The following ADCY5 variants were observed in gnomAD, a reference collection of about 807,000 sequenced individuals.
The protein encoded by ADCY5 is adenylate cyclase 5.
A neutral mutation model predicts 119.7 loss-of-function variants in ADCY5; 30 were observed. The ratio of observed to expected loss-of-function variants is 0.25; its 90% CI spans 0.19 to 0.34. ADCY5 has a LOEUF of 0.34. ADCY5 is among the 10% of genes least tolerant of loss of function. ADCY5 has a pLI of 1.00. For missense variants in ADCY5, 1,324 were observed against 1,775.2 expected, an observed-to-expected ratio of 0.75 and a Z score of 4.57; for synonymous variants, 753 against 762.2, an observed-to-expected ratio of 0.99 and a Z score of 0.20.
intron 3 of ADCY5, among the ~76,000 whole-genome samples, chr3:123,335,548 G>A (rs1029878509): frequency 2.6e-5 from 4 of 152,168 alleles, no homozygotes; most frequent in Non-Finnish European, 4.4e-5. Flanking sequence ...GATGCTGTCT[G>A]TAGGCCCCAC....
chr3:123,346,607 TTCTCTCTCTCTCTCTCTC>T (rs72299981), intron 3 of ADCY5, among the ~76,000 whole-genome samples: 3 of 128,072 alleles, frequency 2.3e-5, no homozygotes, highest in African/African-American at 5.3e-5. Context: ...CAGCCTCACC[TTCTCTCTCTCTCTCTCTC>T]TCTCTCTCTC....
At chr3:123,295,087 C>A (rs1385735500) in intron 17 of ADCY5, among the ~76,000 whole-genome samples, 2 of 152,176 alleles carry the variant, frequency 1.3e-5, no homozygotes, top group Non-Finnish European at 2.9e-5. Flanking sequence ...CAACTGCAGA[C>A]CTCCGTGCTC....
At chr3:123,300,342 C>G in intron 14 of ADCY5, 47 bp from the exon 15 acceptor site, 4 of 1,589,162 alleles carry the variant, frequency 2.5e-6, no homozygotes, top group Non-Finnish European at 3.4e-6. Context: ...CCTGCCCGAC[C>G]CCGGGCCCTG....
chr3:123,445,960 C>T (rs2107656910), intron 1 of ADCY5, among the ~76,000 whole-genome samples: 1 of 152,306 alleles, frequency 6.6e-6, no homozygotes, highest in South Asian at 2.1e-4. Flanking sequence ...GTTAATCATA[C>T]AGAAGACCAC....
At chr3:123,303,833 AAAGAAAAGAGAAGAGAAGAGAAGAG>A (rs1187725487) in intron 13 of ADCY5, among the ~76,000 whole-genome samples, 56 of 114,998 alleles carry the variant, frequency 4.9e-4, no homozygotes, top group African/African-American at 1.5e-3. Context: ...TCAAAACTGG[AAAGAAAAGAGAAGAGAAGAGAAGAG>A]AAGAGAAGAG....
intron 1 of ADCY5, chr3:123,419,186 T>C: frequency 2.0e-6 from 2 of 985,444 alleles, no homozygotes; most frequent in Non-Finnish European, 2.4e-6. Flanking sequence ...CCCCTCATCA[T>C]GATTCCAGGC....
Position 123,286,736 on chromosome 3 carries a change from G to C in ADCY5, c.3606C>G (p.Thr1202=). The change falls in exon 20 of 21, where the codon ACC becomes ACG. Residue 1202 remains threonine (T), a synonymous_variant. Coordinates refer to ENST00000462833, the MANE Select transcript of ADCY5 (RefSeq NM_183357.3). The surrounding 1 kb of genome is among the most constrained non-coding windows in gnomAD (Gnocchi z 4.2). ...RKPQYDIWGN[T]VNVASRMDST... ...TGTCCATGCGGCTGGCCACGTTCACGGTATTGCCCCAGATGTCGTACTGAG... is the reference window on the plus strand; with the variant it reads ...TGTCCATGCGGCTGGCCACGTTCACCGTATTGCCCCAGATGTCGTACTGAG... 1 of 1,613,660 alleles carries C rather than the reference G, an allele frequency of 6.2e-7. No homozygotes were observed. Among genetic ancestry groups the C allele is most frequent in the Non-Finnish European group, 8.5e-7 (1 of 1,179,816 alleles).
intron 1 of ADCY5, among the ~76,000 whole-genome samples, chr3:123,382,854 A>G (rs1217748336): frequency 8.7e-6 from 1 of 115,434 alleles, no homozygotes; most frequent in Non-Finnish European, 1.7e-5. Flanking sequence ...CACCATGGTG[A>G]ATGTACGTAA....
intron 2 of ADCY5, among the ~76,000 whole-genome samples, chr3:123,349,059 A>T (rs1414633543): frequency 6.6e-6 from 1 of 152,092 alleles, no homozygotes; most frequent in Non-Finnish European, 1.5e-5. Flanking sequence ...CCCACTATAG[A>T]GGTGGCTATA....
intron 1 of ADCY5, among the ~76,000 whole-genome samples, chr3:123,441,202 T>G (rs1170967722): frequency 6.6e-6 from 1 of 152,186 alleles, no homozygotes; most frequent in Admixed American, 6.5e-5. Context: ...CAAGTTGTTT[T>G]AAATAGAGAT....
At chr3:123,411,905 A>G (rs1401193679) in intron 1 of ADCY5, among the ~76,000 whole-genome samples, 2 of 152,176 alleles carry the variant, frequency 1.3e-5, no homozygotes, top group Non-Finnish European at 2.9e-5. Context: ...GCCCCCGCAT[A>G]GCCCAGTGTC....
chr3:123,430,336 C>T (rs1423161760), intron 1 of ADCY5, among the ~76,000 whole-genome samples: 3 of 152,294 alleles, frequency 2.0e-5, no homozygotes, highest in Non-Finnish European at 2.9e-5. Flanking sequence ...TCGCATCCTC[C>T]GATGTGGCTC....
Position 123,296,231 on chromosome 3 carries a change from T to G in ADCY5, c.2931-15A>C. 5 of 1,612,796 alleles carry G rather than the reference T, an allele frequency of 3.1e-6. No individual in the cohort carries two copies. The highest frequency in any genetic ancestry group is 4.2e-6 in the Non-Finnish European group (5 of 1,179,540). On this transcript the variant is annotated splice_polypyrimidine_tract_variant and intron_variant, in intron 16 of 20. Transcript: ENST00000462833. The stretch of plus-strand genomic sequence containing the variant: ...CATGCTCAGGGCTGTGGGGAGGTGG[T>G]GGACAGGCCTGAGACGGCCGTGGCT...
chr3:123,373,697 C>T (rs1444119709), intron 1 of ADCY5, among the ~76,000 whole-genome samples: 4 of 150,838 alleles, frequency 2.7e-5, no homozygotes, highest in Admixed American at 6.6e-5. Flanking sequence ...AGGCTGGGCC[C>T]GGCTTTCATC....
intron 11 of ADCY5, among the ~76,000 whole-genome samples, chr3:123,315,083 CCT>C (rs935297091): frequency 4.5e-4 from 68 of 152,340 alleles, no homozygotes; most frequent in African/African-American, 1.6e-3. Flanking sequence ...TCCCATTGGC[CCT>C]CCTGGGGCAA....
intron 1 of ADCY5, among the ~76,000 whole-genome samples, chr3:123,359,331 A>ATATATATATATATATAT (rs1943154404): frequency 9.1e-6 from 1 of 109,766 alleles, no homozygotes; most frequent in African/African-American, 3.7e-5. Flanking sequence ...CTTATACTAA[A>ATATATATATATATATAT]ATATATATAT....
intron 1 of ADCY5, among the ~76,000 whole-genome samples, chr3:123,362,346 C>T (rs1401242023): frequency 6.6e-6 from 1 of 152,168 alleles, no homozygotes; most frequent in Admixed American, 6.5e-5. Flanking sequence ...TCATGATAGT[C>T]ATCCTAGCAG....
chr3:123,301,996 C>T (rs1025574071), intron 14 of ADCY5, among the ~76,000 whole-genome samples: 2 of 152,226 alleles, frequency 1.3e-5, no homozygotes, highest in Non-Finnish European at 2.9e-5. Flanking sequence ...CCTTCCCTGC[C>T]CTGTCTGTAC....
At chr3:123,439,224 C>T (rs527671073) in intron 1 of ADCY5, among the ~76,000 whole-genome samples, 15 of 151,768 alleles carry the variant, frequency 9.9e-5, no homozygotes, top group African/African-American at 2.7e-4. Context: ...CCCGCCACCA[C>T]GCCTGTATTT....
Sources: allele counts gnomAD v4.1 joint callset (sites outside exome capture counted in the v4.1 genomes callset), GRCh38; gene constraint gnomAD v4.1.1; non-coding constraint Gnocchi (gnomAD v3.1); transcripts MANE v1.5; gene names NCBI Gene and HGNC (gene_info 2026-07-23, HGNC 2026-07-21).